Variants in CACNB4 observed in about 807,000 individuals in gnomAD.
The protein encoded by CACNB4 is calcium voltage-gated channel auxiliary subunit beta 4.
CACNB4 carries 32 observed loss-of-function variants against 71.2 expected under a neutral mutation model. That is an observed-to-expected ratio of 0.45 (90% CI 0.34 to 0.60). The LOEUF (loss-of-function observed/expected upper bound fraction) is 0.60, where lower values mean the gene tolerates loss of function less well. CACNB4 is among the 20% of genes least tolerant of loss of function. The probability of loss-of-function intolerance (pLI) is 0.01; values close to 1 mark genes in which losing one functional copy is unlikely to be tolerated. For synonymous variants in CACNB4, 231 were observed against 236.9 expected (o/e 0.97, Z 0.23); for missense variants, 464 against 647.9 (o/e 0.72, Z 3.08).
At chr2:152,071,345 A>T (rs1178171365) in intron 2 of CACNB4, among the ~76,000 whole-genome samples, 1 of 152,200 alleles carries the variant, frequency 6.6e-6, no homozygotes, top group Non-Finnish European at 1.5e-5. Context: ...ACTATGAGAA[A>T]CACTTCCTCA....
At position 152,051,313 on chromosome 2, in the gene CACNB4, T is replaced by G. The variant is rs546854368; in HGVS notation, c.147+47017A>C. Among the ~76,000 whole-genome samples, 5 of 152,298 alleles carry G rather than the reference T, an allele frequency of 3.3e-5. No individual in the cohort carries two copies. The East Asian group carries it at 5.8e-4, about 18-fold the overall frequency. On this transcript the variant is annotated intron_variant, in intron 2 of 13. Transcript: ENST00000539935. ...TACCATTCAATTCACCCATTTAAAG[T>G]GCATAATCAACAGTTTAGTATATTC...
chr2:151,911,313 C>G (rs1226848752), intron 2 of CACNB4, among the ~76,000 whole-genome samples: 1 of 152,120 alleles, frequency 6.6e-6, no homozygotes, highest in Non-Finnish European at 1.5e-5. Flanking sequence ...TGCCTGATTG[C>G]CCTGGCCAGA....
At chr2:152,055,349 G>A (rs1685670350) in intron 2 of CACNB4, among the ~76,000 whole-genome samples, 2 of 152,190 alleles carry the variant, frequency 1.3e-5, no homozygotes, top group African/African-American at 4.8e-5. Flanking sequence ...TTGAAGCACA[G>A]AAGTTTTTAA....
chr2:151,881,266 A>C (rs142171511), intron 3 of CACNB4, among the ~76,000 whole-genome samples: 248 of 152,244 alleles, frequency 1.6e-3, no homozygotes, highest in African/African-American at 5.8e-3. Flanking sequence ...TAGCTTCTTA[A>C]CTTGGAATAC....
intron 2 of CACNB4, among the ~76,000 whole-genome samples, chr2:152,012,156 C>T (rs1161875223): frequency 6.6e-6 from 1 of 151,226 alleles, no homozygotes; most frequent in East Asian, 1.9e-4. Context: ...CTGGAGGTAT[C>T]CCAGAAGAAG....
chr2:151,880,058 C>G (rs1441161328), intron 4 of CACNB4: 2 of 152,190 alleles, frequency 1.3e-5, no homozygotes, highest in African/African-American at 4.8e-5. Context: ...TTCTTGTCTT[C>G]TAGACAAATG....
At chr2:152,099,081 C>T (rs183873853), upstream of CACNB4, 276 of 1,052,454 alleles carry the variant, frequency 2.6e-4, 1 homozygote, top group East Asian at 7.6e-3. Context: ...GGCTGGGCTG[C>T]GGACGGAGGG....
At chr2:151,999,138 A>C (rs958728047) in intron 2 of CACNB4, among the ~76,000 whole-genome samples, 29 of 152,098 alleles carry the variant, frequency 1.9e-4, no homozygotes, top group Admixed American at 1.8e-3. Flanking sequence ...TATCCAGACA[A>C]TCAATCACTC....
intron 5 of CACNB4, among the ~76,000 whole-genome samples, chr2:151,876,073 G>A (rs1028021428): frequency 6.6e-6 from 1 of 152,110 alleles, no homozygotes; most frequent in South Asian, 2.1e-4. Context: ...GCCCACTTAA[G>A]GGAGAGTCTC....
Position 152,098,041 on chromosome 2 carries a change from T to A in CACNB4, c.147+289A>T, listed in dbSNP as rs1296101907. 6.6e-6 allele frequency among the ~76,000 whole-genome samples: 1 copy of A among 152,196 alleles called. No individual in the cohort carries two copies. Among genetic ancestry groups the A allele is most frequent in the Non-Finnish European group, 1.5e-5 (1 of 68,028 alleles). On this transcript the variant is annotated intron_variant, in intron 2 of 13. Transcript: ENST00000539935. This position sits in a 1 kb window ranked among gnomAD's most constrained non-coding sequence, Gnocchi z 5.3. ...CACCAAAGATACAACCAGACATATT[T>A]CCAGCTCTTAAATTCAACGTCCCTG...
chr2:151,906,109 T>A (rs1370956042), intron 2 of CACNB4, among the ~76,000 whole-genome samples: 1 of 152,190 alleles, frequency 6.6e-6, no homozygotes, highest in Non-Finnish European at 1.5e-5. Context: ...GAAACCAGAA[T>A]GTAAAACTTG....
At chr2:152,064,091 A>G (rs991515869) in intron 2 of CACNB4, among the ~76,000 whole-genome samples, 1 of 152,236 alleles carries the variant, frequency 6.6e-6, no homozygotes, top group Non-Finnish European at 1.5e-5. Flanking sequence ...TTAGGAAGAC[A>G]GTCTTCAATA....
intron 2 of CACNB4, among the ~76,000 whole-genome samples, chr2:151,957,301 T>TGTGTGTGTCC (rs70974811): frequency 5.3e-5 from 8 of 151,106 alleles, no homozygotes; most frequent in African/African-American, 1.5e-4. Flanking sequence ...TGTGTGTGTG[T>TGTGTGTGTCC]CCCTTGGGAA....
At chr2:151,915,242 A>T (rs1391599559) in intron 2 of CACNB4, among the ~76,000 whole-genome samples, 2 of 152,204 alleles carry the variant, frequency 1.3e-5, no homozygotes, top group East Asian at 3.9e-4. Flanking sequence ...TCAGGCCTGA[A>T]GGGACACTGG....
At chr2:151,882,179 C>A (rs912665308) in intron 3 of CACNB4, among the ~76,000 whole-genome samples, 7 of 135,742 alleles carry the variant, frequency 5.2e-5, no homozygotes, top group Non-Finnish European at 1.1e-4. Flanking sequence ...GCACCGGCCC[C>A]TCTTTTTTTT....
intron 2 of CACNB4, among the ~76,000 whole-genome samples, chr2:151,884,528 A>G (rs1477615919): frequency 2.1e-5 from 3 of 145,842 alleles, no homozygotes; most frequent in Non-Finnish European, 3.0e-5. Flanking sequence ...CCAGCTACTC[A>G]GGAGGCTGAG....
At chr2:152,008,503 T>C (rs1182438458) in intron 2 of CACNB4, among the ~76,000 whole-genome samples, 1 of 152,106 alleles carries the variant, frequency 6.6e-6, no homozygotes, top group African/African-American at 2.4e-5. Context: ...ACTAAATATG[T>C]TGGCCAGGCT....
chr2:151,881,898 T>TTTTTTA, intron 3 of CACNB4, among the ~76,000 whole-genome samples: 1 of 150,950 alleles, frequency 6.6e-6, no homozygotes, highest in South Asian at 2.1e-4. Context: ...TTTTTTTTTT[T>TTTTTTA]GAGACGGAGT....
chr2:152,027,881 A>G (rs1204225339), intron 2 of CACNB4, among the ~76,000 whole-genome samples: 2 of 149,136 alleles, frequency 1.3e-5, no homozygotes, highest in Non-Finnish European at 3.0e-5. Flanking sequence ...AAAAAAGCCA[A>G]AGCCAGTTGC....
Sources: gnomAD v4.1 joint callset for allele counts (sites outside exome capture counted in the v4.1 genomes callset) on GRCh38, gnomAD v4.1.1 for gene constraint, Gnocchi (gnomAD v3.1) non-coding constraint, MANE v1.5 for transcripts, NCBI Gene and HGNC (gene_info 2026-07-23, HGNC 2026-07-21) for gene names.